Variants in NGEF observed in about 807,000 individuals in gnomAD.
NGEF encodes neuronal guanine nucleotide exchange factor.
A neutral mutation model predicts 80.9 loss-of-function variants in NGEF; 31 were observed. That is an observed-to-expected ratio of 0.38 (90% CI 0.29 to 0.52). The LOEUF is 0.52. Ranked by LOEUF, NGEF falls within the 20% of genes least tolerant of loss-of-function variation. NGEF has a pLI of 0.84. For missense variants in NGEF, 709 were observed against 926.2 expected, an observed-to-expected ratio of 0.77 and a Z score of 3.04; for synonymous variants, 371 against 370.2, an observed-to-expected ratio of 1.00 and a Z score of -0.03.
intron 2 of NGEF, 133 bp downstream of exon 2, chr2:232,974,490 C>A: frequency 9.4e-7 from 1 of 1,065,638 alleles, no homozygotes; most frequent in Non-Finnish European, 1.4e-6. Flanking sequence ...TTTTAAAATG[C>A]ACTACCCTGT....
intron 3 of NGEF, chr2:232,927,845 G>C: frequency 8.3e-7 from 1 of 1,199,202 alleles, no homozygotes; most frequent in East Asian, 3.4e-5. Context: ...CTGGGAAAGA[G>C]GCACGCGGGG....
At chr2:232,900,543 CAT>C (rs1317832684) in intron 5 of NGEF, among the ~76,000 whole-genome samples, 3 of 126,508 alleles carry the variant, frequency 2.4e-5, no homozygotes, top group African/African-American at 6.3e-5. Flanking sequence ...CACAGTCACT[CAT>C]ATACACGTTC....
At chr2:232,975,703 C>T (rs1266265855) in intron 1 of NGEF, among the ~76,000 whole-genome samples, 3 of 152,154 alleles carry the variant, frequency 2.0e-5, no homozygotes, top group Admixed American at 6.5e-5. Context: ...GGGCGAGAGA[C>T]TATGTGGACC....
chr2:232,997,481 C>T (rs895441543), intron 1 of NGEF, among the ~76,000 whole-genome samples: 1 of 152,110 alleles, frequency 6.6e-6, no homozygotes, highest in Non-Finnish European at 1.5e-5. Flanking sequence ...AGCCAGAACC[C>T]CCGGGCACCT....
At chr2:232,945,079 A>G (rs1382437285) in intron 3 of NGEF, among the ~76,000 whole-genome samples, 1 of 152,054 alleles carries the variant, frequency 6.6e-6, no homozygotes, top group African/African-American at 2.4e-5. Flanking sequence ...AACCATGCAT[A>G]TGTTTTATAT....
At position 232,892,347 on chromosome 2, in the gene NGEF, CAG is replaced by C. The variant is rs1432917722; in HGVS notation, c.1142+549_1142+550del. Among the ~76,000 whole-genome samples, 1 of 152,216 alleles carries C rather than the reference CAG, an allele frequency of 6.6e-6. No individual in the cohort carries two copies. The highest frequency in any genetic ancestry group is 1.5e-5 in the Non-Finnish European group (1 of 68,038). ...CCAAGACGGCCTCCCTGGCTAACCC[CAG>C]GCACTGAAGTGCGAACCTCAGTGCG... On this transcript the variant is annotated intron_variant, in intron 7 of 14. Coordinates refer to ENST00000264051, the MANE Select transcript of NGEF (RefSeq NM_019850.3). The surrounding 1 kb of genome is among the most constrained non-coding windows in gnomAD (Gnocchi z 4.0).
intron 3 of NGEF, among the ~76,000 whole-genome samples, chr2:232,935,278 A>G (rs1359000057): frequency 3.9e-5 from 6 of 152,202 alleles, no homozygotes; most frequent in Non-Finnish European, 1.5e-5. Context: ...TATCTGGTTC[A>G]ATGCTTTTAT....
chr2:232,916,468 A>G (rs1692805476), intron 5 of NGEF, among the ~76,000 whole-genome samples: 1 of 152,236 alleles, frequency 6.6e-6, no homozygotes, highest in South Asian at 2.1e-4. Context: ...AATATTAAAA[A>G]AAAGAATTAA....
At chr2:232,960,494 G>C (rs1693927053) in intron 3 of NGEF, among the ~76,000 whole-genome samples, 1 of 152,156 alleles carries the variant, frequency 6.6e-6, no homozygotes, top group Non-Finnish European at 1.5e-5. Context: ...CCTGGAAAGG[G>C]GAGGTCATGG....
At chr2:232,928,216 GGC>G in intron 3 of NGEF, 6 of 964,766 alleles carry the variant, frequency 6.2e-6, no homozygotes, top group South Asian at 4.8e-5. Context: ...AGGCGGGAGG[GGC>G]GCGCGCGGCG....
chr2:232,881,114 G>T (rs374371736), intron 14 of NGEF, 32 bp downstream of exon 14: 52 of 1,576,362 alleles, frequency 3.3e-5, no homozygotes, highest in Non-Finnish European at 4.3e-5. Context: ...AAGTTCCCCT[G>T]GGGGCCCCGA....
intron 1 of NGEF, among the ~76,000 whole-genome samples, chr2:232,982,340 G>A (rs1694448032): frequency 6.6e-6 from 1 of 152,132 alleles, no homozygotes; most frequent in Non-Finnish European, 1.5e-5. Context: ...GACAAGAAGG[G>A]CTTGAACCTA....
chr2:232,949,769 C>T (rs548306995), intron 3 of NGEF, among the ~76,000 whole-genome samples: 9 of 146,490 alleles, frequency 6.1e-5, no homozygotes, highest in East Asian at 6.1e-4. Context: ...TGAGCCACTG[C>T]GCCTGGCTCT....
At chr2:232,959,008 A>G (rs1574637330) in intron 3 of NGEF, among the ~76,000 whole-genome samples, 1 of 152,218 alleles carries the variant, frequency 6.6e-6, no homozygotes, top group Non-Finnish European at 1.5e-5. Flanking sequence ...CTACAATACC[A>G]TTAGCATGCC....
intron 1 of NGEF, among the ~76,000 whole-genome samples, chr2:232,990,707 A>G (rs1257341469): frequency 2.0e-5 from 3 of 152,086 alleles, no homozygotes; most frequent in Admixed American, 6.6e-5. Flanking sequence ...ATCTCTAAAA[A>G]TGTTATTTTA....
intron 5 of NGEF, among the ~76,000 whole-genome samples, chr2:232,914,925 A>G (rs573587900): frequency 2.6e-5 from 4 of 151,414 alleles, no homozygotes; most frequent in South Asian, 4.2e-4. Context: ...GCTGAGGCCG[A>G]AGAATCGCTT....
intron 2 of NGEF, 129 bp from the exon 3 acceptor site, chr2:232,970,457 C>T (rs978667884): frequency 1.7e-6 from 1 of 599,004 alleles, no homozygotes; most frequent in Non-Finnish European, 2.9e-6. Flanking sequence ...GAAGGGGTGT[C>T]CCTCCCCTCA....
intron 5 of NGEF, among the ~76,000 whole-genome samples, chr2:232,906,184 C>T (rs1421350245): frequency 3.3e-5 from 1 of 29,984 alleles, no homozygotes; most frequent in Admixed American, 3.5e-4. Context: ...GTCAGCCCCC[C>T]GCCTGGCCAG....
At chr2:232,951,038 C>T (rs938147700) in intron 3 of NGEF, among the ~76,000 whole-genome samples, 2 of 152,188 alleles carry the variant, frequency 1.3e-5, no homozygotes, top group Admixed American at 6.5e-5. Flanking sequence ...GCTGGCTGTT[C>T]CTGACTTGAA....
Sources: allele counts gnomAD v4.1 joint callset (sites outside exome capture counted in the v4.1 genomes callset), GRCh38; gene constraint gnomAD v4.1.1; non-coding constraint Gnocchi (gnomAD v3.1); transcripts MANE v1.5; gene names NCBI Gene and HGNC (gene_info 2026-07-23, HGNC 2026-07-21).